Variants in PRIM2 observed in about 807,000 individuals in gnomAD.
PRIM2 encodes DNA primase large subunit.
Under a neutral mutation model 67.3 loss-of-function variants are expected in PRIM2, and 39 were observed. The ratio of observed to expected loss-of-function variants is 0.58; its 90% CI spans 0.45 to 0.76. PRIM2 has a LOEUF of 0.76. Ranked by LOEUF, PRIM2 falls within the 30% of genes least tolerant of loss-of-function variation. The pLI, the probability that PRIM2 is intolerant of heterozygous loss-of-function variation, is 0.00. For synonymous variants in PRIM2, 143 were observed against 198.7 expected (o/e 0.72, Z 2.36); for missense variants, 398 against 598.7 (o/e 0.66, Z 3.50).
At chr6:57,335,872 G>A (rs1376363714) in intron 5 of PRIM2, among the ~76,000 whole-genome samples, 4 of 151,796 alleles carry the variant, frequency 2.6e-5, no homozygotes, top group East Asian at 1.9e-4. Flanking sequence ...TGACTTTGAC[G>A]AGCTGAGAGA....
At chr6:57,378,310 C>T (rs1486294228) in intron 5 of PRIM2, among the ~76,000 whole-genome samples, 1 of 151,740 alleles carries the variant, frequency 6.6e-6, no homozygotes, top group African/African-American at 2.4e-5. Context: ...AAGTGATCCT[C>T]CCGCCTTGGC....
chr6:57,376,629 A>C (rs9475904), intron 5 of PRIM2, among the ~76,000 whole-genome samples: 6,078 of 152,268 alleles, frequency 0.04, 396 homozygotes, highest in African/African-American at 0.14. Flanking sequence ...TATTGAATCT[A>C]TAGGTTAATT....
At chr6:57,427,782 C>A (rs1196635651) in intron 7 of PRIM2, among the ~76,000 whole-genome samples, 2 of 152,026 alleles carry the variant, frequency 1.3e-5, no homozygotes, top group Admixed American at 6.6e-5. Flanking sequence ...GGAATACTTT[C>A]TGAGATGGCA....
intron 7 of PRIM2, among the ~76,000 whole-genome samples, chr6:57,425,217 C>T (rs1412058430): frequency 6.6e-6 from 1 of 151,908 alleles, no homozygotes; most frequent in East Asian, 1.9e-4. Context: ...GATTTAGATT[C>T]TAAACACATT....
intron 7 of PRIM2, among the ~76,000 whole-genome samples, chr6:57,502,178 G>A (rs1774146231): frequency 6.6e-6 from 1 of 152,126 alleles, no homozygotes; most frequent in Non-Finnish European, 1.5e-5. Context: ...AGAAACCTTG[G>A]AAGTTGAGTT....
chr6:57,370,291 A>G (rs1769499987), intron 5 of PRIM2, among the ~76,000 whole-genome samples: 2 of 152,210 alleles, frequency 1.3e-5, no homozygotes, highest in African/African-American at 4.8e-5. Context: ...TAAATAAATG[A>G]AATATCCTTA....
chr6:57,361,197 G>A (rs1581827519), intron 5 of PRIM2, among the ~76,000 whole-genome samples: 1 of 152,260 alleles, frequency 6.6e-6, no homozygotes, highest in Non-Finnish European at 1.5e-5. Context: ...CAGAAGAATG[G>A]CCCTTTGGCA....
the PRIM2 span, among the ~76,000 whole-genome samples, chr6:57,309,230 A>G: frequency 5.3e-5 from 8 of 149,874 alleles, no homozygotes; most frequent in Non-Finnish European, 5.9e-5. Flanking sequence ...ATGCTGGTGC[A>G]CTGCACCCAC....
chr6:57,642,199 G>A (rs1263140692), intron 13 of PRIM2, among the ~76,000 whole-genome samples: 1 of 151,958 alleles, frequency 6.6e-6, no homozygotes, highest in African/African-American at 2.4e-5. Flanking sequence ...ATGGACACAG[G>A]GAGGGAAATA....
chr6:57,624,932 C>T (rs1399562520), intron 12 of PRIM2, among the ~76,000 whole-genome samples: 19 of 152,158 alleles, frequency 1.2e-4, no homozygotes, highest in Admixed American at 1.2e-3. Flanking sequence ...GCACGTCTTA[C>T]ATAGCAGCAG....
chr6:57,366,599 A>G (rs1234974700), intron 5 of PRIM2, among the ~76,000 whole-genome samples: 1 of 152,186 alleles, frequency 6.6e-6, no homozygotes, highest in Non-Finnish European at 1.5e-5. Flanking sequence ...ATATGGGTGT[A>G]GCAGTCCATT....
chr6:57,381,961 T>C (rs1341150426), intron 6 of PRIM2, 70 bp from the exon 7 acceptor site: 43 of 1,467,576 alleles, frequency 2.9e-5, no homozygotes, highest in Middle Eastern at 1.8e-4. Flanking sequence ...TTATACTTTA[T>C]ACATATGAAG....
rs554661157 is a variant in PRIM2, at chr6:57,452,332, A to G, written c.694-55055A>G. On this transcript the variant is annotated intron_variant, in intron 7 of 13. Transcript: ENST00000615550. ...GATTGCTGGGTCAAATGGTATTTCT[A>G]GTTCTAGATCCCTGAGGAATCACCA... Among the ~76,000 whole-genome samples the G allele has an allele frequency of 2.9e-3, 437 of 152,232 alleles. 2 individuals are homozygous for G. The highest frequency in any genetic ancestry group is 0.01 in the African/African-American group (420 of 41,548).
intron 9 of PRIM2, among the ~76,000 whole-genome samples, chr6:57,533,571 A>G (rs1181636999): frequency 1.3e-5 from 2 of 152,222 alleles, no homozygotes; most frequent in Non-Finnish European, 2.9e-5. Context: ...AAGATGTCCC[A>G]TCTTTTAATT....
At chr6:57,513,572 G>T (rs1774413517) in intron 8 of PRIM2, among the ~76,000 whole-genome samples, 2 of 151,988 alleles carry the variant, frequency 1.3e-5, no homozygotes, top group South Asian at 2.1e-4. Flanking sequence ...GTGCATTGGG[G>T]GACAGCATAT....
the PRIM2 span, among the ~76,000 whole-genome samples, chr6:57,290,782 A>G: frequency 6.6e-5 from 10 of 152,230 alleles, no homozygotes; most frequent in African/African-American, 2.2e-4. Context: ...AGGCAGAAAT[A>G]AAGATGTTCT....
chr6:57,524,914 C>T (rs1774714427), intron 8 of PRIM2, among the ~76,000 whole-genome samples: 1 of 151,514 alleles, frequency 6.6e-6, no homozygotes, highest in Non-Finnish European at 1.5e-5. Flanking sequence ...CTGGAGAAAA[C>T]CTCAAATTTT....
chr6:57,433,960 T>C (rs1009669081), intron 7 of PRIM2, among the ~76,000 whole-genome samples: 16 of 151,580 alleles, frequency 1.1e-4, no homozygotes, highest in Middle Eastern at 3.4e-3. Flanking sequence ...GTTTCGCTCT[T>C]GTTGCCCAGG....
intron 10 of PRIM2, among the ~76,000 whole-genome samples, chr6:57,546,874 G>C (rs1775298778): frequency 6.6e-6 from 1 of 152,066 alleles, no homozygotes; most frequent in African/African-American, 2.4e-5. Context: ...TCATAATGTA[G>C]GGTTTTTATT....
Sources: allele counts gnomAD v4.1 joint callset (sites outside exome capture counted in the v4.1 genomes callset), GRCh38; gene constraint gnomAD v4.1.1; transcripts MANE v1.5; gene names NCBI Gene and HGNC (gene_info 2026-07-23, HGNC 2026-07-21).